PACS1: variants seen among roughly 807,000 people sequenced by gnomAD.
The protein encoded by PACS1 is phosphofurin acidic cluster sorting protein 1, also known as PACS-1.
PACS1 carries 24 observed loss-of-function variants against 115.0 expected under a neutral mutation model. The ratio of observed to expected loss-of-function variants is 0.21; its 90% CI spans 0.15 to 0.29. The LOEUF (loss-of-function observed/expected upper bound fraction) is 0.29, where lower values mean the gene tolerates loss of function less well. Among genes scored for constraint, PACS1 ranks in the 10% least tolerant of loss-of-function variants. The pLI is 1.00. For synonymous variants in PACS1, 453 were observed against 504.5 expected (o/e 0.90, Z 1.37); for missense variants, 838 against 1,251.2 (o/e 0.67, Z 4.98).
chr11:66,125,075 A>C (rs144890224), intron 1 of PACS1, among the ~76,000 whole-genome samples: 144 of 152,310 alleles, frequency 9.5e-4, no homozygotes, highest in African/African-American at 3.3e-3. Flanking sequence ...TCCATTGTGA[A>C]TAATGCTGCT....
intron 1 of PACS1, among the ~76,000 whole-genome samples, chr11:66,136,323 TCACACACACACA>T (rs61577143): frequency 1.4e-5 from 2 of 145,820 alleles, no homozygotes; most frequent in African/African-American, 2.6e-5. Context: ...AATCCCACTG[TCACACACACACA>T]CACACACACA....
intron 1 of PACS1, among the ~76,000 whole-genome samples, chr11:66,143,666 GTCTTACTC>G (rs1859054004): frequency 6.6e-6 from 1 of 152,084 alleles, no homozygotes; most frequent in South Asian, 2.1e-4. Flanking sequence ...TTAAGACAGA[GTCTTACTC>G]TGTTGCCCAG....
At chr11:66,072,844 G>A (rs746867013) in intron 1 of PACS1, among the ~76,000 whole-genome samples, 3 of 152,326 alleles carry the variant, frequency 2.0e-5, no homozygotes, top group South Asian at 2.1e-4. Context: ...TTGAAAAGGC[G>A]CGAGCCTACT....
chr11:66,205,589 A>G (rs1195478184), intron 2 of PACS1, among the ~76,000 whole-genome samples: 2 of 151,922 alleles, frequency 1.3e-5, no homozygotes, highest in East Asian at 3.9e-4. Flanking sequence ...TAAATGAAAA[A>G]TAACAGCTTA....
chr11:66,170,794 T>A (rs571432106), intron 1 of PACS1, among the ~76,000 whole-genome samples: 36 of 142,354 alleles, frequency 2.5e-4, no homozygotes, highest in Admixed American at 1.2e-3. Context: ...AAAAAAAAAA[T>A]TTGCAGGGTG....
chr11:66,197,088 A>G (rs1854667921), intron 2 of PACS1, among the ~76,000 whole-genome samples: 1 of 152,210 alleles, frequency 6.6e-6, no homozygotes, highest in Non-Finnish European at 1.5e-5. Context: ...TGAGTTTACA[A>G]AATCATGCTG....
Position 66,216,218 on chromosome 11 carries a change from T to C in PACS1, c.760T>C (p.Ser254Pro). ...PVAEIKIYSLSSQPIDHEGIK... is the reference protein window; with the variant it reads ...PVAEIKIYSLPSQPIDHEGIK... Reference sequence around the variant, plus strand: ...GGCAGAAATAAAGATCTACTCCCTGTCCAGCCAACCCATTGACCATGAAGG... The same window carrying C: ...GGCAGAAATAAAGATCTACTCCCTGCCCAGCCAACCCATTGACCATGAAGG... The change falls in exon 5 of 24, where the codon TCC (serine) becomes CCC (proline). Residue 254 changes from serine to proline, a missense_variant. Transcript: ENST00000320580. 6.2e-7 allele frequency: 1 copy of C among 1,614,070 alleles called. No homozygotes were observed. Among genetic ancestry groups the C allele is most frequent in the Non-Finnish European group, 8.5e-7 (1 of 1,180,022 alleles).
intron 1 of PACS1, among the ~76,000 whole-genome samples, chr11:66,182,977 A>G (rs1361775786): frequency 2.6e-5 from 4 of 152,088 alleles, no homozygotes; most frequent in South Asian, 4.2e-4. Context: ...TAAAAATACA[A>G]AAATTATCTG....
intron 7 of PACS1, among the ~76,000 whole-genome samples, chr11:66,219,205 G>T (rs1855282990): frequency 1.3e-5 from 2 of 152,084 alleles, no homozygotes; most frequent in East Asian, 3.9e-4. Flanking sequence ...GGCCTGACTG[G>T]AAACAGTGGT....
chr11:66,219,650 A>G, intron 7 of PACS1, 96 bp from the exon 8 acceptor site: 1 of 926,870 alleles, frequency 1.1e-6, no homozygotes, highest in Non-Finnish European at 1.8e-6. Flanking sequence ...GTCTTCCCAC[A>G]GCTCGTCATG....
intron 1 of PACS1, among the ~76,000 whole-genome samples, chr11:66,101,914 G>A (rs1857928744): frequency 6.6e-6 from 1 of 152,184 alleles, no homozygotes. Flanking sequence ...CCAGGGTCCA[G>A]TGTATTTATA....
rs191760881 is a variant in PACS1 at position 66,235,091 on chromosome 11, G to C, written c.2105-210G>C. ...AGAAGGGTGTGCGTGGCCCAAGAAA[G>C]AGCAGGGCTTTGAGGAACTGCAAAG... On this transcript the variant is annotated intron_variant, in intron 17 of 23. Coordinates refer to ENST00000320580, the MANE Select transcript of PACS1 (RefSeq NM_018026.4). This position sits in a 1 kb window ranked among gnomAD's most constrained non-coding sequence, Gnocchi z 5.6. Among the ~76,000 whole-genome samples, 13 of 152,244 alleles carry C rather than the reference G, an allele frequency of 8.5e-5. No individual in the cohort carries two copies. Among genetic ancestry groups the C allele is most frequent in the African/African-American group, 2.9e-4 (12 of 41,546 alleles).
chr11:66,189,059 C>T (rs1452979838), intron 1 of PACS1, among the ~76,000 whole-genome samples: 2 of 152,066 alleles, frequency 1.3e-5, no homozygotes, highest in Non-Finnish European at 2.9e-5. Flanking sequence ...AGGTATAATA[C>T]CCACCTCTTA....
At chr11:66,123,203 T>TA (rs1009830610) in intron 1 of PACS1, among the ~76,000 whole-genome samples, 1 of 151,610 alleles carries the variant, frequency 6.6e-6, no homozygotes, top group South Asian at 2.1e-4. Flanking sequence ...TTTTTTTTTT[T>TA]TTTAATGAGA....
intron 1 of PACS1, among the ~76,000 whole-genome samples, chr11:66,187,588 C>G (rs1565139005): frequency 6.6e-6 from 1 of 152,150 alleles, no homozygotes. Flanking sequence ...GCTTATTTCA[C>G]TTAACACAAT....
rs1402427210 is a variant in PACS1 at position 66,201,656 on chromosome 11, G to GTT, written c.444+8087_444+8088dup. ...AAGTCAACAAAACAAAATGTTTTGGGTTTTTGTTTTTTTTTTTTCTGAGAC... is the reference window on the plus strand; with the variant it reads ...AAGTCAACAAAACAAAATGTTTTGGGTTTTTTTGTTTTTTTTTTTTCTGAGAC... On this transcript the variant is annotated intron_variant, in intron 2 of 23. Transcript: ENST00000320580. Among the ~76,000 whole-genome samples, 8 of 145,254 alleles carry GTT rather than the reference G, an allele frequency of 5.5e-5. 1 individual carries two copies. The highest frequency in any genetic ancestry group is 7.6e-5 in the Non-Finnish European group (5 of 65,736).
intron 1 of PACS1, among the ~76,000 whole-genome samples, chr11:66,183,034 G>A (rs1254919069): frequency 6.6e-6 from 1 of 152,146 alleles, no homozygotes; most frequent in Non-Finnish European, 1.5e-5. Flanking sequence ...GGAGGCTGAG[G>A]TGGGAGAATC....
chr11:66,071,366 G>A (rs763412120), intron 1 of PACS1, among the ~76,000 whole-genome samples: 7 of 152,226 alleles, frequency 4.6e-5, no homozygotes, highest in Middle Eastern at 6.8e-3. Flanking sequence ...TGTCCCAAGC[G>A]CTAGGCTCTT....
Position 66,233,186 on chromosome 11 carries a change from G to T in PACS1, c.1838+120G>T. The T allele has an allele frequency of 1.4e-6, 1 of 723,056 alleles. No individual in the cohort carries two copies. The highest frequency in any genetic ancestry group is 1.8e-5 in the South Asian group (1 of 55,660). The allele number at this position is 723,056 out of a possible 1,614,324, so 44.8% of individuals were successfully genotyped here. On this transcript the variant is annotated intron_variant, in intron 15 of 23. Coordinates refer to ENST00000320580, the MANE Select transcript of PACS1 (RefSeq NM_018026.4). This position sits in a 1 kb window ranked among gnomAD's most constrained non-coding sequence, Gnocchi z 4.5. ...CTCATCAGACCAAGAATTTGCAGAGGGGCGTATGTTTAGGGGGGTGGCGGC... is the reference window on the plus strand; with the variant it reads ...CTCATCAGACCAAGAATTTGCAGAGTGGCGTATGTTTAGGGGGGTGGCGGC...
Sources: allele counts gnomAD v4.1 joint callset (sites outside exome capture counted in the v4.1 genomes callset), GRCh38; gene constraint gnomAD v4.1.1; non-coding constraint Gnocchi (gnomAD v3.1); transcripts MANE v1.5; gene names NCBI Gene and HGNC (gene_info 2026-07-23, HGNC 2026-07-21).